RIMS1: variants seen among roughly 807,000 people sequenced by gnomAD.
The protein encoded by RIMS1 is regulating synaptic membrane exocytosis protein 1.
RIMS1 carries 83 observed loss-of-function variants against 214.1 expected under a neutral mutation model. That is an observed-to-expected ratio of 0.39 (90% CI 0.32 to 0.47). RIMS1 has a LOEUF of 0.47. Among genes scored for constraint, RIMS1 ranks in the 20% least tolerant of loss-of-function variants. The probability of loss-of-function intolerance (pLI) is 0.99; values close to 1 mark genes in which losing one functional copy is unlikely to be tolerated. For missense variants in RIMS1, 2,050 were observed against 2,161.8 expected, an observed-to-expected ratio of 0.95 and a Z score of 1.03; for synonymous variants, 793 against 786.8, an observed-to-expected ratio of 1.01 and a Z score of -0.13.
chr6:72,265,626 C>T, intron 21 of RIMS1, 123 bp downstream of exon 21: 1 of 588,636 alleles, frequency 1.7e-6, no homozygotes, highest in Non-Finnish European at 2.9e-6. Flanking sequence ...GGCATCTGTT[C>T]CTGGTAATGA....
intron 4 of RIMS1, among the ~76,000 whole-genome samples, chr6:72,125,695 G>T (rs1286544753): frequency 6.6e-6 from 1 of 152,186 alleles, no homozygotes; most frequent in Admixed American, 6.5e-5. Flanking sequence ...CAGCAATGGT[G>T]GATGCCCCTC....
At chr6:71,981,643 A>T (rs1054456368) in intron 2 of RIMS1, among the ~76,000 whole-genome samples, 1 of 152,178 alleles carries the variant, frequency 6.6e-6, no homozygotes, top group African/African-American at 2.4e-5. Context: ...TTCCTTATTT[A>T]TAAACCATGA....
intron 26 of RIMS1, among the ~76,000 whole-genome samples, chr6:72,293,767 A>T (rs1416153477): frequency 1.3e-5 from 2 of 151,854 alleles, no homozygotes; most frequent in Non-Finnish European, 3.0e-5. Flanking sequence ...GTTTTTTAAA[A>T]AAGCTCATGT....
At chr6:72,266,560 T>G (rs2080641481) in intron 22 of RIMS1, among the ~76,000 whole-genome samples, 1 of 152,114 alleles carries the variant, frequency 6.6e-6, no homozygotes, top group Non-Finnish European at 1.5e-5. Context: ...GATATAATGT[T>G]TTACCTTAAA....
At chr6:71,922,544 A>T (rs1403417710) in intron 1 of RIMS1, among the ~76,000 whole-genome samples, 1 of 152,208 alleles carries the variant, frequency 6.6e-6, no homozygotes, top group Admixed American at 6.5e-5. Context: ...TGTCTCAAAG[A>T]CAAAACAAAA....
chr6:72,211,127 A>C (rs2053737602), intron 6 of RIMS1, among the ~76,000 whole-genome samples: 2 of 152,220 alleles, frequency 1.3e-5, no homozygotes, highest in African/African-American at 4.8e-5. Context: ...AAAGATTAAG[A>C]ATCTTGGTAT....
intron 6 of RIMS1, among the ~76,000 whole-genome samples, chr6:72,186,632 C>T (rs528262755): frequency 6.6e-6 from 1 of 152,234 alleles, no homozygotes; most frequent in African/African-American, 2.4e-5. Flanking sequence ...TTCAGTGTTT[C>T]TTAATGTTTT....
rs1262965904 is a variant in RIMS1 at position 72,161,366 on chromosome 6, GC to G, written c.472-18208del. Among the ~76,000 whole-genome samples, 5 of 139,184 alleles carry G rather than the reference GC, an allele frequency of 3.6e-5. 1 individual carries two copies. The highest frequency in any genetic ancestry group is 8.2e-5 in the Non-Finnish European group (5 of 61,268). 91.3% of individuals were successfully genotyped at this position (139,184 alleles called of 152,430 possible). A position where few individuals can be genotyped will look rare whatever the true frequency, so the allele number is the denominator to read the frequency against. On this transcript the variant is annotated intron_variant, in intron 4 of 33. Coordinates refer to ENST00000521978, the MANE Select transcript of RIMS1 (RefSeq NM_014989.7). ...CTGGATTCATTGATTTTTTTGAAGG[GC>G]TTTTTGTGTCTCTGTGTCCTTCAGT...
chr6:71,969,006 A>T lies in RIMS1; in HGVS notation c.188A>T (p.Lys63Met). ...AGGTGTGTTGTCAGGGACATGGCGAAGCCTGCTGCCTGCAAAACACCAAGA... is the reference window on the plus strand; with the variant it reads ...AGGTGTGTTGTCAGGGACATGGCGATGCCTGCTGCCTGCAAAACACCAAGA... ...MLKCVVRDMA[K>M]PAACKTPRNA... Residue 63 changes from lysine (K) to methionine (M), a missense_variant, in exon 2 of 34, where the codon AAG (lysine) becomes ATG (methionine). Physicochemically the swap from Lys to Met is moderately conservative, Grantham distance 95. Transcript: ENST00000521978. 1 of 1,614,004 alleles carries T rather than the reference A, an allele frequency of 6.2e-7. No homozygotes were observed. Among genetic ancestry groups the T allele is most frequent in the Non-Finnish European group, 8.5e-7 (1 of 1,179,864 alleles).
At chr6:72,260,877 T>C (rs1377269712) in intron 19 of RIMS1, 110 bp downstream of exon 19, 1 of 1,535,730 alleles carries the variant, frequency 6.5e-7, no homozygotes, top group Non-Finnish European at 8.8e-7. Flanking sequence ...CAAATAAATT[T>C]CCCAAGTATT....
chr6:72,347,868 C>T (rs1247301971), intron 29 of RIMS1, among the ~76,000 whole-genome samples: 1 of 151,864 alleles, frequency 6.6e-6, no homozygotes, highest in East Asian at 1.9e-4. Flanking sequence ...AGGGAGTTCT[C>T]ATGTGGTGCT....
In RIMS1 at chr6:72,254,577, G is replaced by A. The variant is rs554645919; in HGVS notation, c.2770+1745G>A. ...AATTTATCTAAATAGAATTTGCTTC[G>A]GTGAGTGGTTCCCAAATTTCATTCA... On this transcript the variant is annotated intron_variant, in intron 16 of 33. Transcript: ENST00000521978. Among the ~76,000 whole-genome samples the A allele has an allele frequency of 3.9e-5, 6 of 152,156 alleles. No homozygotes were observed. In the East Asian group the frequency reaches 5.8e-4, roughly 15 times the overall value.
At chr6:72,177,419 G>T (rs2496503) in intron 4 of RIMS1, among the ~76,000 whole-genome samples, 148,775 of 152,136 alleles carry the variant, frequency 0.98, 72,819 homozygotes, top group East Asian at 1. Flanking sequence ...GCCCGGCTAA[G>T]TTTTGTATTT....
chr6:72,030,628 CTT>C (rs753741342), intron 2 of RIMS1, among the ~76,000 whole-genome samples: 36 of 151,986 alleles, frequency 2.4e-4, no homozygotes, highest in African/African-American at 7.2e-4. Flanking sequence ...TTATAATAAA[CTT>C]GAGATTTAGT....
intron 4 of RIMS1, among the ~76,000 whole-genome samples, chr6:72,127,486 A>T (rs1036436508): frequency 6.6e-6 from 1 of 152,188 alleles, no homozygotes; most frequent in Non-Finnish European, 1.5e-5. Flanking sequence ...GCCAGCAAGG[A>T]ATTCAGTCTC....
intron 26 of RIMS1, among the ~76,000 whole-genome samples, chr6:72,304,595 T>C (rs1199681484): frequency 6.6e-6 from 1 of 151,940 alleles, no homozygotes; most frequent in African/African-American, 2.4e-5. Context: ...ATTCTAGATA[T>C]ATAGTTGAAA....
chr6:72,339,879 G>T (rs1339485069), intron 29 of RIMS1, among the ~76,000 whole-genome samples: 3 of 151,830 alleles, frequency 2.0e-5, no homozygotes, highest in African/African-American at 2.4e-5. Context: ...CACAATGGTT[G>T]AACTAGTTTA....
intron 2 of RIMS1, among the ~76,000 whole-genome samples, chr6:71,973,702 A>G (rs567691780): frequency 6.6e-6 from 1 of 152,308 alleles, no homozygotes; most frequent in Non-Finnish European, 1.5e-5. Context: ...AGAGGAGGCA[A>G]CACAATAAAA....
chr6:72,149,731 A>G (rs79169347), intron 4 of RIMS1, among the ~76,000 whole-genome samples: 10,877 of 152,270 alleles, frequency 0.071, 445 homozygotes, highest in Middle Eastern at 0.099. Flanking sequence ...CCTAGAAATG[A>G]TGCAGGATTT....
Sources: gnomAD v4.1 joint callset for allele counts (sites outside exome capture counted in the v4.1 genomes callset) on GRCh38, gnomAD v4.1.1 for gene constraint, MANE v1.5 for transcripts, NCBI Gene and HGNC (gene_info 2026-07-23, HGNC 2026-07-21) for gene names.